Variants in PLCL2 observed in about 807,000 individuals in gnomAD.
The protein encoded by PLCL2 is phospholipase C like 2.
Under a neutral mutation model 79.6 loss-of-function variants are expected in PLCL2, and 4 were observed. The observed-to-expected ratio is 0.05, with a 90% CI of 0.02 to 0.11. The LOEUF is 0.11. PLCL2 is among the 10% of genes least tolerant of loss of function. PLCL2 has a pLI of 1.00. For synonymous variants in PLCL2, 484 were observed against 457.7 expected, an observed-to-expected ratio of 1.06 and a Z score of -0.73; for missense variants, 895 against 1,291.0, an observed-to-expected ratio of 0.69 and a Z score of 4.70.
intron 4 of PLCL2, among the ~76,000 whole-genome samples, chr3:17,053,334 AAAC>A (rs1333364479): frequency 6.6e-6 from 1 of 152,072 alleles, no homozygotes; most frequent in East Asian, 1.9e-4. Context: ...GCGCTCTTTT[AAAC>A]AACCAGATCT....
intron 1 of PLCL2, among the ~76,000 whole-genome samples, chr3:16,944,847 C>G (rs1192008482): frequency 6.6e-6 from 1 of 151,878 alleles, no homozygotes; most frequent in East Asian, 1.9e-4. Context: ...GGAACCTCCA[C>G]CTCCTGGGTT....
intron 1 of PLCL2, among the ~76,000 whole-genome samples, chr3:16,952,360 CAAAAAAAAAAA>C (rs35421244): frequency 1.2e-3 from 28 of 22,624 alleles, no homozygotes; most frequent in Admixed American, 3.4e-3. Flanking sequence ...GAACTTAAAG[CAAAAAAAAAAA>C]AAAAAAAAAA....
intron 1 of PLCL2, among the ~76,000 whole-genome samples, chr3:16,969,472 G>A (rs562582247): frequency 2.9e-4 from 44 of 152,194 alleles, no homozygotes; most frequent in Middle Eastern, 6.8e-3. Context: ...ATCTTGGGAG[G>A]TTGTATGTTT....
chr3:17,087,291 G>C (rs1026191230), intron 5 of PLCL2, among the ~76,000 whole-genome samples: 2 of 152,210 alleles, frequency 1.3e-5, no homozygotes, highest in Non-Finnish European at 2.9e-5. Flanking sequence ...TAAATAAACT[G>C]CAGTGCATCC....
At chr3:17,078,113 C>T (rs2065125540) in intron 5 of PLCL2, among the ~76,000 whole-genome samples, 1 of 152,216 alleles carries the variant, frequency 6.6e-6, no homozygotes, top group African/African-American at 2.4e-5. Context: ...CCCGATAAAC[C>T]TCCTCTTGTA....
intron 1 of PLCL2, among the ~76,000 whole-genome samples, chr3:17,001,334 T>A (rs1187795476): frequency 6.6e-6 from 1 of 152,162 alleles, no homozygotes; most frequent in Non-Finnish European, 1.5e-5. Context: ...CTTTTCACTC[T>A]GTTGATTGTT....
rs1030151799 is a variant in PLCL2 at position 17,089,841 on chromosome 3, G to C, written c.3313G>C (p.Ala1105Pro). ...ACTGAATAAACCAGGCACCGAAAATGCTGATGTCCAGAAGCCACGCCGGAG... is the reference window on the plus strand; with the variant it reads ...ACTGAATAAACCAGGCACCGAAAATCCTGATGTCCAGAAGCCACGCCGGAG... Reference protein sequence around the residue: ...CGLNKPGTENADVQKPRRSLE... With the variant: ...CGLNKPGTENPDVQKPRRSLE... The change falls in exon 6 of 6, where the codon GCT (alanine) becomes CCT (proline). Residue 1105 changes from alanine (A) to proline (P), a missense_variant. By Grantham distance (27) the Ala-to-Pro change is conservative (BLOSUM62 -1). Coordinates refer to ENST00000615277, the MANE Select transcript of PLCL2 (RefSeq NM_001144382.2). 1 of 1,614,108 alleles carries C rather than the reference G, an allele frequency of 6.2e-7. No individual in the cohort carries two copies. The highest frequency in any genetic ancestry group is 8.5e-7 in the Non-Finnish European group (1 of 1,179,970).
At chr3:16,976,157 G>C (rs1310786473) in intron 1 of PLCL2, among the ~76,000 whole-genome samples, 1 of 152,160 alleles carries the variant, frequency 6.6e-6, no homozygotes, top group Non-Finnish European at 1.5e-5. Flanking sequence ...AATTGTATTA[G>C]TCAGAGTTCT....
intron 1 of PLCL2, among the ~76,000 whole-genome samples, chr3:16,913,216 A>G (rs1489527214): frequency 2.6e-5 from 4 of 151,992 alleles, no homozygotes; most frequent in Non-Finnish European, 4.4e-5. Context: ...GCAAACTGAC[A>G]TTACTTCACC....
Position 16,887,048 on chromosome 3 carries a change from T to A in PLCL2, c.327+1682T>A, listed in dbSNP as rs565158626. On this transcript the variant is annotated intron_variant, in intron 1 of 5. Transcript: ENST00000615277. The surrounding 1 kb of genome is among the most constrained non-coding windows in gnomAD (Gnocchi z 4.1). ...AAAAACATTTGTTTTAATTTTACAT[T>A]ACTGGGCGATAAGCAAGAAGGATGA... Among the ~76,000 whole-genome samples the A allele has an allele frequency of 1.2e-4, 19 of 152,262 alleles. No individual in the cohort carries two copies. Among genetic ancestry groups the A allele is most frequent in the Non-Finnish European group, 2.6e-4 (18 of 68,052 alleles).
At chr3:17,074,735 A>C (rs900926033) in intron 5 of PLCL2, among the ~76,000 whole-genome samples, 2 of 152,228 alleles carry the variant, frequency 1.3e-5, no homozygotes, top group African/African-American at 4.8e-5. Context: ...TTCGCATTGC[A>C]CTTTGATGTG....
rs1258089890 is a variant in PLCL2 at position 17,010,333 on chromosome 3, A to G, written c.987A>G (p.Glu329=). ...AAGCTGGTACCGAGGTCACAAAGGA[A>G]GAATTTATTGAGGTTTTTCATGAGC... ...KDKAGTEVTK[E]EFIEVFHELC... is the part of the protein sequence containing the mutation. The change falls in exon 2 of 6, where the codon GAA becomes GAG. Residue 329 remains glutamate (E), a synonymous_variant. Coordinates refer to ENST00000615277, the MANE Select transcript of PLCL2 (RefSeq NM_001144382.2). The surrounding 1 kb of genome is among the most constrained non-coding windows in gnomAD (Gnocchi z 5.8). 6.2e-7 allele frequency: 1 copy of G among 1,614,132 alleles called. No individual in the cohort carries two copies. Among genetic ancestry groups the G allele is most frequent in the Non-Finnish European group, 8.5e-7 (1 of 1,180,018 alleles).
chr3:16,965,453 G>A (rs1275879413), intron 1 of PLCL2, among the ~76,000 whole-genome samples: 9 of 151,800 alleles, frequency 5.9e-5, no homozygotes, highest in Admixed American at 2.6e-4. Context: ...GTCAGGTAGC[G>A]TGATGCCTCC....
chr3:17,071,850 G>A (rs944511946), intron 5 of PLCL2, among the ~76,000 whole-genome samples: 2 of 148,874 alleles, frequency 1.3e-5, no homozygotes, highest in African/African-American at 5.0e-5. Context: ...TTTTTGAGAT[G>A]GAGTCTCACT....
chr3:17,009,742 G>A lies in PLCL2; in HGVS notation c.396G>A (p.Lys132=), dbSNP rs1559517041. The part of the protein sequence containing the change: ...VSFSSMPTEK[K]ISSASDCINS... ...TCAGCAGCATGCCAACAGAGAAGAA[G>A]ATCAGCAGTGCAAGTGATTGTATTA... The change falls in exon 2 of 6, where the codon AAG becomes AAA. Residue 132 remains lysine (K), a synonymous_variant. Coordinates refer to ENST00000615277, the MANE Select transcript of PLCL2 (RefSeq NM_001144382.2). This position sits in a 1 kb window ranked among gnomAD's most constrained non-coding sequence, Gnocchi z 4.0. The A allele has an allele frequency of 6.2e-7, 1 of 1,612,730 alleles. No homozygotes were observed. The highest frequency in any genetic ancestry group is 1.7e-5 in the Admixed American group (1 of 60,008).
At chr3:16,897,212 A>C (rs1334478840) in intron 1 of PLCL2, among the ~76,000 whole-genome samples, 1 of 151,838 alleles carries the variant, frequency 6.6e-6, no homozygotes, top group Non-Finnish European at 1.5e-5. Context: ...TCCTTAGTAA[A>C]ATTTGGAGAA....
chr3:16,961,726 G>A (rs778914232), intron 1 of PLCL2, among the ~76,000 whole-genome samples: 5 of 152,200 alleles, frequency 3.3e-5, no homozygotes, highest in Non-Finnish European at 5.9e-5. Flanking sequence ...TATTCTAGGT[G>A]AAGTAAGAGA....
chr3:17,023,301 A>C (rs1379742623), intron 3 of PLCL2, among the ~76,000 whole-genome samples: 1 of 152,160 alleles, frequency 6.6e-6, no homozygotes, highest in Non-Finnish European at 1.5e-5. Flanking sequence ...CCTCCACCTT[A>C]GGGGATAACA....
At chr3:16,932,030 G>A (rs191250077) in intron 1 of PLCL2, among the ~76,000 whole-genome samples, 23 of 152,250 alleles carry the variant, frequency 1.5e-4, no homozygotes, top group Admixed American at 3.9e-4. Context: ...CTGCAGCCTG[G>A]AGAGGGCCCT....
Sources: allele counts gnomAD v4.1 joint callset (sites outside exome capture counted in the v4.1 genomes callset), GRCh38; gene constraint gnomAD v4.1.1; non-coding constraint Gnocchi (gnomAD v3.1); transcripts MANE v1.5; gene names NCBI Gene and HGNC (gene_info 2026-07-23, HGNC 2026-07-21).